POLN: variants seen among roughly 807,000 people sequenced by gnomAD.
The protein encoded by POLN is DNA polymerase nu.
Under a neutral mutation model 113.5 loss-of-function variants are expected in POLN, and 108 were observed. That is an observed-to-expected ratio of 0.95 (90% confidence interval 0.81 to 1.12). The LOEUF (loss-of-function observed/expected upper bound fraction) is 1.12. Ranked by LOEUF, POLN falls within the 50% of genes most tolerant of loss-of-function variation. POLN has a pLI of 0.00. For missense variants in POLN, 1,097 were observed against 1,077.1 expected (o/e 1.02, Z -0.26); for synonymous variants, 386 against 391.5 (o/e 0.99, Z 0.17).
At chr4:2,169,147 G>A (rs1021727839) in intron 13 of POLN, among the ~76,000 whole-genome samples, 3 of 152,220 alleles carry the variant, frequency 2.0e-5, no homozygotes, top group Admixed American at 1.3e-4. Flanking sequence ...AGGCGCTGGA[G>A]TGGGGGGAGA....
chr4:2,168,502 T>TA (rs981463721), intron 13 of POLN, among the ~76,000 whole-genome samples: 1 of 152,268 alleles, frequency 6.6e-6, no homozygotes, highest in African/African-American at 2.4e-5. Context: ...ATCATGTCTT[T>TA]ATGGGAGAAA....
At chr4:2,232,978 A>AC (rs368837936) in intron 2 of POLN, among the ~76,000 whole-genome samples, 19 of 151,866 alleles carry the variant, frequency 1.3e-4, no homozygotes, top group African/African-American at 4.1e-4. Context: ...AGATTCCTGT[A>AC]CCCCCCCACT....
intron 16 of POLN, among the ~76,000 whole-genome samples, chr4:2,141,578 C>A (rs34174744): frequency 6.6e-6 from 1 of 152,220 alleles, no homozygotes; most frequent in African/African-American, 2.4e-5. Flanking sequence ...GCACGGCCAG[C>A]ATCTGGCATA....
intron 13 of POLN, among the ~76,000 whole-genome samples, chr4:2,162,613 T>C (rs912650607): frequency 6.6e-6 from 1 of 152,146 alleles, no homozygotes; most frequent in Non-Finnish European, 1.5e-5. Context: ...CATGCCACCA[T>C]GCCCAGCTAA....
At chr4:2,164,700 G>A (rs1275986921) in intron 13 of POLN, among the ~76,000 whole-genome samples, 2 of 150,330 alleles carry the variant, frequency 1.3e-5, no homozygotes, top group African/African-American at 2.5e-5. Flanking sequence ...CTACTCGGGA[G>A]GCTGAGGCAG....
intron 7 of POLN, among the ~76,000 whole-genome samples, chr4:2,191,134 TAAAG>T (rs1220130993): frequency 6.6e-6 from 1 of 152,044 alleles, no homozygotes; most frequent in Non-Finnish European, 1.5e-5. Flanking sequence ...AACAGATAAA[TAAAG>T]AAAATGTGGT....
intron 2 of POLN, chr4:2,240,200 AC>A: frequency 6.2e-7 from 1 of 1,614,054 alleles, no homozygotes; most frequent in East Asian, 2.2e-5. Flanking sequence ...CTTGATTATC[AC>A]AAATAGATGG....
chr4:2,090,267 G>C, intron 20 of POLN: 1 of 799,568 alleles, frequency 1.3e-6, no homozygotes, highest in Non-Finnish European at 2.1e-6. Flanking sequence ...CAGAACCTCT[G>C]ACAAAGGCTT....
chr4:2,153,451 A>T lies in POLN; in HGVS notation c.1731+3337T>A, dbSNP rs547550844. Among the ~76,000 whole-genome samples, 6 of 152,288 alleles carry T rather than the reference A, an allele frequency of 3.9e-5. No homozygotes were observed. In the East Asian group the frequency reaches 1.2e-3, roughly 29 times the overall value. Reference sequence around the variant, plus strand: ...TATGTAAATGTGTGTGTGCATAAAGAAGTAAATTAGAGGATGGTTACCAAA... The same window carrying T: ...TATGTAAATGTGTGTGTGCATAAAGTAGTAAATTAGAGGATGGTTACCAAA... On this transcript the variant is annotated intron_variant, in intron 16 of 25. Coordinates refer to ENST00000511885, the MANE Select transcript of POLN (RefSeq NM_181808.4).
chr4:2,133,563 TA>T lies in POLN; in HGVS notation c.1732-2274del, dbSNP rs377226789. ...ATTATGCTAAGTGAAGTAAACCAGGTATAGACAGACAAATACTGCATGTTTA... is the reference window on the plus strand; with the variant it reads ...ATTATGCTAAGTGAAGTAAACCAGGTTAGACAGACAAATACTGCATGTTTA... On this transcript the variant is annotated intron_variant, in intron 16 of 25. Coordinates refer to ENST00000511885, the MANE Select transcript of POLN (RefSeq NM_181808.4). Among the ~76,000 whole-genome samples the T allele has an allele frequency of 6.0e-4, 92 of 152,316 alleles. 1 individual carries two copies. Among genetic ancestry groups the T allele is most frequent in the Middle Eastern group, 3.4e-3 (1 of 294 alleles).
At chr4:2,091,890 C>T (rs905346084) in intron 20 of POLN, among the ~76,000 whole-genome samples, 3 of 152,176 alleles carry the variant, frequency 2.0e-5, no homozygotes, top group Non-Finnish European at 4.4e-5. Flanking sequence ...ACACATATTG[C>T]TAACAGGCTT....
intron 4 of POLN, among the ~76,000 whole-genome samples, chr4:2,210,460 G>A (rs938587559): frequency 6.6e-6 from 1 of 151,030 alleles, no homozygotes. Context: ...ATGTGCCTAC[G>A]GTCCCAGCTA....
intron 15 of POLN, 113 bp from the exon 16 acceptor site, chr4:2,156,966 C>T (rs1732450693): frequency 1.2e-6 from 1 of 848,002 alleles, no homozygotes; most frequent in South Asian, 1.5e-5. Flanking sequence ...CAGAGGCCAA[C>T]AAGCTGCTGG....
chr4:2,122,047 C>T (rs933605257), intron 19 of POLN, among the ~76,000 whole-genome samples: 9 of 152,132 alleles, frequency 5.9e-5, no homozygotes, highest in African/African-American at 2.2e-4. Flanking sequence ...TGGTTAGCAA[C>T]AGCCAGAGCA....
intron 16 of POLN, among the ~76,000 whole-genome samples, chr4:2,145,855 G>T (rs1443886378): frequency 2.0e-5 from 3 of 152,032 alleles, no homozygotes; most frequent in African/African-American, 7.2e-5. Context: ...TTTTCTTGCA[G>T]CATTGTTTTT....
chr4:2,122,609 A>G (rs1425896594), intron 19 of POLN, among the ~76,000 whole-genome samples: 1 of 152,192 alleles, frequency 6.6e-6, no homozygotes, highest in Non-Finnish European at 1.5e-5. Flanking sequence ...GAATGCAGAG[A>G]AACTTGAACC....
intron 2 of POLN, chr4:2,239,890 A>C: frequency 1.5e-6 from 1 of 648,934 alleles, no homozygotes; most frequent in Non-Finnish European, 2.6e-6. Flanking sequence ...TGAAACATTG[A>C]CACAGATCAC....
chr4:2,237,470 AAG>A (rs988599164), intron 2 of POLN, among the ~76,000 whole-genome samples: 4 of 151,752 alleles, frequency 2.6e-5, no homozygotes, highest in Non-Finnish European at 5.9e-5. Flanking sequence ...GAAGGGAAAG[AAG>A]AGAGAAAGAG....
intron 20 of POLN, among the ~76,000 whole-genome samples, chr4:2,094,501 C>A (rs1384013317): frequency 6.6e-6 from 1 of 152,132 alleles, no homozygotes; most frequent in Non-Finnish European, 1.5e-5. Flanking sequence ...TGCCCACACC[C>A]AGAGAAACTG....
Sources: allele counts gnomAD v4.1 joint callset (sites outside exome capture counted in the v4.1 genomes callset), GRCh38; gene constraint gnomAD v4.1.1; transcripts MANE v1.5; gene names NCBI Gene and HGNC (gene_info 2026-07-23, HGNC 2026-07-21).